PPARGC1B: variants seen among roughly 807,000 people sequenced by gnomAD.
PPARGC1B encodes PPARG coactivator 1 beta.
In PPARGC1B, 34 loss-of-function variants were observed where a neutral mutation model predicts 101.6. That is an observed-to-expected ratio of 0.33 (90% CI 0.25 to 0.45). The LOEUF (loss-of-function observed/expected upper bound fraction) is 0.45. PPARGC1B is among the 20% of genes least tolerant of loss of function. The pLI is 1.00. For missense variants in PPARGC1B, 1,234 were observed against 1,317.6 expected (o/e 0.94, Z 0.98); for synonymous variants, 548 against 539.3 (o/e 1.02, Z -0.22).
At chr5:149,758,678 G>A (rs951751614) in intron 1 of PPARGC1B, among the ~76,000 whole-genome samples, 1 of 152,210 alleles carries the variant, frequency 6.6e-6, no homozygotes, top group Admixed American at 6.5e-5. Flanking sequence ...GATTCCAAGA[G>A]GGCTGAGGCC....
intron 1 of PPARGC1B, among the ~76,000 whole-genome samples, chr5:149,764,213 G>A (rs1380850775): frequency 6.6e-6 from 1 of 152,240 alleles, no homozygotes; most frequent in Non-Finnish European, 1.5e-5. Context: ...CACAGTCATT[G>A]ATAGGAGGGC....
chr5:149,769,932 G>C (rs1276289820), intron 1 of PPARGC1B, among the ~76,000 whole-genome samples: 1 of 152,094 alleles, frequency 6.6e-6, no homozygotes, highest in East Asian at 1.9e-4. Flanking sequence ...TCCCATCTCC[G>C]TATTCTGAAC....
At chr5:149,822,437 T>C (rs144827866) in intron 2 of PPARGC1B, among the ~76,000 whole-genome samples, 14 of 152,322 alleles carry the variant, frequency 9.2e-5, no homozygotes, top group African/African-American at 2.2e-4. Flanking sequence ...GAGACTAGAC[T>C]AGCTCTATCC....
intron 10 of PPARGC1B, among the ~76,000 whole-genome samples, chr5:149,845,015 T>C (rs541201370): frequency 6.6e-6 from 1 of 152,280 alleles, no homozygotes; most frequent in South Asian, 2.1e-4. Context: ...GATGGATTCT[T>C]TGGGGTTCAG....
At chr5:149,774,650 TG>T (rs1425921026) in intron 1 of PPARGC1B, among the ~76,000 whole-genome samples, 1 of 151,810 alleles carries the variant, frequency 6.6e-6, no homozygotes, top group African/African-American at 2.4e-5. Flanking sequence ...CTATTTAGGG[TG>T]CCAGGGCTTT....
intron 1 of PPARGC1B, among the ~76,000 whole-genome samples, chr5:149,801,218 A>T (rs1757419600): frequency 6.6e-6 from 1 of 152,226 alleles, no homozygotes; most frequent in Non-Finnish European, 1.5e-5. Flanking sequence ...CATTAATAAA[A>T]TACTCATGCA....
chr5:149,737,049 T>G (rs1258095252), intron 1 of PPARGC1B, among the ~76,000 whole-genome samples: 1 of 152,176 alleles, frequency 6.6e-6, no homozygotes, highest in African/African-American at 2.4e-5. Context: ...GCCCTGGAAA[T>G]CTGCTCTACC....
At chr5:149,774,912 G>A (rs964873897) in intron 1 of PPARGC1B, among the ~76,000 whole-genome samples, 6 of 152,112 alleles carry the variant, frequency 3.9e-5, no homozygotes, top group Admixed American at 6.5e-5. Context: ...CCCTACTCGC[G>A]CTTCCCAGGA....
chr5:149,772,023 G>C, intron 1 of PPARGC1B: 1 of 1,486,144 alleles, frequency 6.7e-7, no homozygotes, highest in Admixed American at 2.5e-5. Context: ...TCAGAGAAGT[G>C]AAGGTTTCCA....
intron 4 of PPARGC1B, among the ~76,000 whole-genome samples, chr5:149,831,430 G>A (rs929490363): frequency 7.2e-5 from 11 of 152,166 alleles, no homozygotes; most frequent in Non-Finnish European, 1.6e-4. Context: ...GGTCCTGGAC[G>A]CTTCTCCTGG....
intron 1 of PPARGC1B, among the ~76,000 whole-genome samples, chr5:149,742,132 A>G (rs1035061794): frequency 2.6e-5 from 4 of 152,128 alleles, no homozygotes; most frequent in African/African-American, 7.2e-5. Flanking sequence ...TCTCAGAGGA[A>G]CCCCATGAGG....
intron 10 of PPARGC1B, 68 bp downstream of exon 10, chr5:149,842,445 G>A: frequency 1.3e-6 from 2 of 1,578,160 alleles, no homozygotes; most frequent in African/African-American, 1.3e-5. Flanking sequence ...CCAGAATTGG[G>A]TACCAGAAGA....
intron 1 of PPARGC1B, among the ~76,000 whole-genome samples, chr5:149,734,172 A>C (rs1214069991): frequency 6.6e-6 from 1 of 151,268 alleles, no homozygotes; most frequent in African/African-American, 2.5e-5. Flanking sequence ...AAATACAAAA[A>C]TTAGCTGGGC....
At chr5:149,735,166 G>A (rs1370377554) in intron 1 of PPARGC1B, among the ~76,000 whole-genome samples, 1 of 152,200 alleles carries the variant, frequency 6.6e-6, no homozygotes, top group Non-Finnish European at 1.5e-5. Context: ...CTTCACCTGA[G>A]CCAGAAGGGG....
chr5:149,824,820 C>G (rs976493076), intron 2 of PPARGC1B, among the ~76,000 whole-genome samples: 6 of 152,178 alleles, frequency 3.9e-5, no homozygotes, highest in Non-Finnish European at 8.8e-5. Flanking sequence ...CTGGGTCAGG[C>G]CCAACCAAAA....
Position 149,833,685 on chromosome 5 carries a change from C to G in PPARGC1B, c.1612C>G (p.Arg538Gly), listed in dbSNP as rs569909824. The change falls in exon 5 of 12, where the codon CGG becomes GGG. Residue 538 changes from arginine (R) to glycine (G), a missense_variant. This residue lies in a region of PPARGC1B where 734 missense variants were observed against 768.4 expected (regional missense o/e 0.96). Transcript: ENST00000309241. This position sits in a 1 kb window ranked among gnomAD's most constrained non-coding sequence, Gnocchi z 4.1. Reference protein sequence around the residue: ...EDSGQDQQLLRGPQIPALESP... With the variant: ...EDSGQDQQLLGGPQIPALESP... The stretch of plus-strand genomic sequence containing the variant: ...CAGTGGCCAAGACCAGCAGCTCCTA[C>G]GGGGACCCCAGATCCCTGCCCTGGA... The G allele has an allele frequency of 1.2e-5, 19 of 1,608,854 alleles. No individual in the cohort carries two copies. Among genetic ancestry groups the G allele is most frequent in the Non-Finnish European group, 1.5e-5 (18 of 1,178,378 alleles).
rs746834137 is a variant in PPARGC1B, at chr5:149,730,364, G to A, written c.22G>A (p.Ala8Thr). The A allele has an allele frequency of 2.5e-6, 4 of 1,569,430 alleles. No individual in the cohort carries two copies. Among genetic ancestry groups the A allele is most frequent in the East Asian group, 2.5e-5 (1 of 40,772 alleles). Reference protein sequence around the residue: MAGNDCGALLDEELSSFF... With the variant: MAGNDCGTLLDEELSSFF... The stretch of plus-strand genomic sequence containing the variant: ...GAAGATGGCGGGGAACGACTGCGGC[G>A]CGCTGCTGGACGAAGAGCTCTCCTC... The change falls in exon 1 of 12, where the codon GCG becomes ACG. Residue 8 changes from alanine (A) to threonine (T), a missense_variant. Coordinates refer to ENST00000309241, the MANE Select transcript of PPARGC1B (RefSeq NM_133263.4). The surrounding 1 kb of genome is among the most constrained non-coding windows in gnomAD (Gnocchi z 4.0).
In PPARGC1B at chr5:149,836,247, C is replaced by T. The variant is rs779720669; in HGVS notation, c.1808-16C>T. The T allele has an allele frequency of 1.3e-6, 2 of 1,531,582 alleles. No homozygotes were observed. Among genetic ancestry groups the T allele is most frequent in the East Asian group, 2.3e-5 (1 of 44,190 alleles). 94.9% of individuals were successfully genotyped at this position (1,531,582 alleles called of 1,614,324 possible). ...TGATCTGTCTTTATCTTACCTTTCTCCTCTTCCTCGGGCAGGACTCACCCC... is the reference window on the plus strand; with the variant it reads ...TGATCTGTCTTTATCTTACCTTTCTTCTCTTCCTCGGGCAGGACTCACCCC... On this transcript the variant is annotated splice_polypyrimidine_tract_variant and intron_variant, in intron 7 of 11. Coordinates refer to ENST00000309241, the MANE Select transcript of PPARGC1B (RefSeq NM_133263.4).
At chr5:149,741,159 C>T (rs960525639) in intron 1 of PPARGC1B, among the ~76,000 whole-genome samples, 4 of 152,112 alleles carry the variant, frequency 2.6e-5, no homozygotes, top group Non-Finnish European at 4.4e-5. Flanking sequence ...GCTCTGCAGC[C>T]GTATTTTTTC....
Sources: allele counts gnomAD v4.1 joint callset (sites outside exome capture counted in the v4.1 genomes callset), GRCh38; gene constraint gnomAD v4.1.1; regional missense constraint gnomAD v4.1.1; non-coding constraint Gnocchi (gnomAD v3.1); transcripts MANE v1.5; gene names NCBI Gene and HGNC (gene_info 2026-07-23, HGNC 2026-07-21).